The following MET variants were observed in gnomAD, a reference collection of about 807,000 sequenced individuals.
MET encodes the protein hepatocyte growth factor receptor.
In MET, 48 loss-of-function variants were observed where a neutral mutation model predicts 133.1. The observed-to-expected ratio is 0.36, with a 90% CI of 0.29 to 0.46. The LOEUF is 0.46. MET is among the 20% of genes least tolerant of loss of function. The pLI, the probability that MET is intolerant of heterozygous loss-of-function variation, is 1.00. For missense variants in MET, 1,442 were observed against 1,695.9 expected, an observed-to-expected ratio of 0.85 and a Z score of 2.63; for synonymous variants, 628 against 616.5, an observed-to-expected ratio of 1.02 and a Z score of -0.28.
intron 2 of MET, among the ~76,000 whole-genome samples, chr7:116,705,496 A>G (rs1377400281): frequency 6.6e-6 from 1 of 152,136 alleles, no homozygotes; most frequent in African/African-American, 2.4e-5. Context: ...CAGATTATAG[A>G]GTTTTTTACT....
At chr7:116,784,700 T>C (rs1385570605) in intron 19 of MET, among the ~76,000 whole-genome samples, 4 of 152,110 alleles carry the variant, frequency 2.6e-5, no homozygotes, top group Non-Finnish European at 4.4e-5. Context: ...ACATGAGAGT[T>C]GGGTGGGAAC....
At position 116,795,672 on chromosome 7, in the gene MET, C is replaced by T. The variant is rs757012119; in HGVS notation, c.3816C>T (p.Leu1272=). The T allele has an allele frequency of 9.3e-6, 15 of 1,613,952 alleles. No homozygotes were observed. The highest frequency in any genetic ancestry group is 1.7e-5 in the Admixed American group (1 of 60,020). Residue 1272 remains leucine, a synonymous_variant, in exon 20 of 21, where the codon CTC becomes CTT. Coordinates refer to ENST00000397752, the MANE Select transcript of MET (RefSeq NM_000245.4). The stretch of plus-strand genomic sequence containing the variant: ...TTTACTAGTGGTCCTTTGGCGTGCT[C>T]CTCTGGGAGCTGATGACAAGAGGAG... ...TKSDVWSFGV[L]LWELMTRGAP...
At chr7:116,704,234 C>T (rs1791692890) in intron 2 of MET, among the ~76,000 whole-genome samples, 1 of 151,994 alleles carries the variant, frequency 6.6e-6, no homozygotes, top group South Asian at 2.1e-4. Flanking sequence ...GTACCTGGCA[C>T]AAGATGACTA....
intron 14 of MET, among the ~76,000 whole-genome samples, chr7:116,773,137 G>C (rs910534422): frequency 3.9e-5 from 6 of 152,098 alleles, no homozygotes; most frequent in African/African-American, 1.4e-4. Context: ...TCATTGCTAA[G>C]AAGGTTGAGT....
chr7:116,730,692 T>C (rs1052865716), intron 2 of MET, among the ~76,000 whole-genome samples: 1 of 151,924 alleles, frequency 6.6e-6, no homozygotes, highest in African/African-American at 2.4e-5. Flanking sequence ...GAGGGAGGAA[T>C]TGGAGATGAC....
intron 5 of MET, among the ~76,000 whole-genome samples, chr7:116,744,906 A>G (rs1253425235): frequency 1.3e-5 from 2 of 152,198 alleles, no homozygotes; most frequent in East Asian, 1.9e-4. Context: ...CCTATTCAAC[A>G]TAGTGTTGGA....
intron 2 of MET, among the ~76,000 whole-genome samples, chr7:116,730,968 GCTGGGTT>G (rs1181970929): frequency 6.6e-6 from 1 of 152,180 alleles, no homozygotes; most frequent in Non-Finnish European, 1.5e-5. Context: ...TAACACTCAT[GCTGGGTT>G]CTATTGTGAG....
intron 1 of MET, among the ~76,000 whole-genome samples, chr7:116,679,034 T>G (rs1219156328): frequency 1.3e-5 from 2 of 152,228 alleles, no homozygotes; most frequent in African/African-American, 4.8e-5. Flanking sequence ...TGTGAAAATT[T>G]TAAGCACTTT....
At chr7:116,716,409 GAA>G (rs1377575152) in intron 2 of MET, among the ~76,000 whole-genome samples, 2 of 141,500 alleles carry the variant, frequency 1.4e-5, no homozygotes, top group East Asian at 4.2e-4. Context: ...AAATATGAAA[GAA>G]AGAAAGAGTA....
intron 5 of MET, among the ~76,000 whole-genome samples, chr7:116,741,457 C>A (rs976994252): frequency 2.0e-5 from 3 of 152,202 alleles, no homozygotes; most frequent in African/African-American, 7.2e-5. Flanking sequence ...ACATGAGCCT[C>A]CATCACAGAA....
intron 1 of MET, among the ~76,000 whole-genome samples, chr7:116,691,767 T>C (rs1350969026): frequency 1.3e-5 from 2 of 152,120 alleles, no homozygotes; most frequent in African/African-American, 2.4e-5. Context: ...AAAGAGGCCC[T>C]CTCCCAGCAT....
chr7:116,724,747 A>G (rs937502443), intron 2 of MET: 17 of 1,121,574 alleles, frequency 1.5e-5, no homozygotes, highest in East Asian at 6.0e-5. Context: ...TTCGAAATCA[A>G]TTCGCTCAAC....
intron 2 of MET, among the ~76,000 whole-genome samples, chr7:116,729,818 T>C (rs898054287): frequency 8.5e-5 from 13 of 152,336 alleles, no homozygotes; most frequent in African/African-American, 2.9e-4. Context: ...TTTAATAATA[T>C]AGTTTTATAT....
At chr7:116,739,518 C>T (rs1584921531) in intron 3 of MET, among the ~76,000 whole-genome samples, 1 of 152,208 alleles carries the variant, frequency 6.6e-6, no homozygotes, top group Non-Finnish European at 1.5e-5. Flanking sequence ...GACTCCGCGT[C>T]CACTACTCTT....
In MET at chr7:116,777,408, TC is replaced by T; in HGVS notation, c.3280del (p.His1094MetfsTer16). 6.2e-7 allele frequency: 1 copy of T among 1,613,912 alleles called. No homozygotes were observed. Among genetic ancestry groups the T allele is most frequent in the Non-Finnish European group, 8.5e-7 (1 of 1,179,850 alleles). ...IGRGHFGCVY[H>X]GTLLDNDGKK... ...GCACAGGGCATTTTGGTTGTGTATA[TC>T]ATGGGACTTTGTTGGACAATGATGG... On this transcript the variant is annotated frameshift_variant, in exon 16 of 21. Coordinates refer to ENST00000397752, the MANE Select transcript of MET (RefSeq NM_000245.4). LOFTEE classifies it high-confidence loss of function.
intron 2 of MET, among the ~76,000 whole-genome samples, chr7:116,710,109 T>C (rs1791937201): frequency 6.6e-6 from 1 of 152,166 alleles, no homozygotes; most frequent in Admixed American, 6.6e-5. Flanking sequence ...GGCGCCAATG[T>C]GGAAATAAAT....
intron 18 of MET, 23 bp from the exon 19 acceptor site, chr7:116,783,281 A>C (rs1400054224): frequency 1.2e-6 from 2 of 1,613,848 alleles, no homozygotes; most frequent in Non-Finnish European, 1.7e-6. Flanking sequence ...AGCCACGGGT[A>C]ATAATTTTTG....
intron 11 of MET, among the ~76,000 whole-genome samples, chr7:116,764,252 T>C (rs1482751478): frequency 1.3e-5 from 2 of 152,192 alleles, no homozygotes; most frequent in Admixed American, 6.5e-5. Context: ...TATTGTGTTT[T>C]GTACAATAAT....
chr7:116,710,028 A>G (rs1395139124), intron 2 of MET, among the ~76,000 whole-genome samples: 1 of 152,206 alleles, frequency 6.6e-6, no homozygotes, highest in African/African-American at 2.4e-5. Flanking sequence ...ACAAGAATGA[A>G]TAAATGTATT....
Sources: allele counts gnomAD v4.1 joint callset (sites outside exome capture counted in the v4.1 genomes callset), GRCh38; gene constraint gnomAD v4.1.1; transcripts MANE v1.5; gene names NCBI Gene and HGNC (gene_info 2026-07-23, HGNC 2026-07-21).